ELF2: variants seen among roughly 807,000 people sequenced by gnomAD.
The protein encoded by ELF2 is ETS-related transcription factor Elf-2.
In ELF2, 11 loss-of-function variants were observed where a neutral mutation model predicts 54.8. The observed-to-expected ratio is 0.20, with a 90% CI of 0.13 to 0.33. The LOEUF is 0.33. ELF2 is among the 10% of genes least tolerant of loss of function. ELF2 has a pLI of 1.00. For synonymous variants in ELF2, 203 were observed against 245.1 expected, an observed-to-expected ratio of 0.83 and a Z score of 1.61; for missense variants, 513 against 703.0, an observed-to-expected ratio of 0.73 and a Z score of 3.06.
chr4:139,075,996 A>G (rs952196532), intron 4 of ELF2, among the ~76,000 whole-genome samples: 2 of 152,174 alleles, frequency 1.3e-5, no homozygotes, highest in Non-Finnish European at 2.9e-5. Flanking sequence ...CATAAGCACT[A>G]TACACTAACG....
intron 4 of ELF2, among the ~76,000 whole-genome samples, chr4:139,096,964 A>G (rs1449100269): frequency 2.6e-5 from 4 of 151,894 alleles, no homozygotes; most frequent in African/African-American, 9.7e-5. Flanking sequence ...TTTATTAATA[A>G]TCTAGTACTG....
At chr4:139,176,456 C>A (rs756768263) in intron 1 of ELF2, among the ~76,000 whole-genome samples, 1 of 151,784 alleles carries the variant, frequency 6.6e-6, no homozygotes, top group African/African-American at 2.4e-5. Context: ...CCGCCCCGAG[C>A]TCGCCGCCCA....
At chr4:139,142,980 T>C (rs1042231012) in intron 1 of ELF2, among the ~76,000 whole-genome samples, 1 of 152,132 alleles carries the variant, frequency 6.6e-6, no homozygotes, top group African/African-American at 2.4e-5. Context: ...AAGTCAAGAA[T>C]GAATCCAGGC....
chr4:139,059,669 T>C (rs1383424287), intron 9 of ELF2, 62 bp from the exon 10 acceptor site: 3 of 1,540,068 alleles, frequency 1.9e-6, no homozygotes, highest in Non-Finnish European at 2.6e-6. Flanking sequence ...ATAGGTCTCC[T>C]GAGTAAAAGA....
chr4:139,160,939 G>C (rs541949627), intron 1 of ELF2, among the ~76,000 whole-genome samples: 1 of 151,960 alleles, frequency 6.6e-6, no homozygotes, highest in Non-Finnish European at 1.5e-5. Flanking sequence ...GTCCAGCTTC[G>C]GCAACAGAGT....
chr4:139,130,260 C>T (rs1737361687), intron 3 of ELF2, among the ~76,000 whole-genome samples: 1 of 152,060 alleles, frequency 6.6e-6, no homozygotes, highest in Admixed American at 6.5e-5. Flanking sequence ...TCTATCAACA[C>T]CTTGATTCCT....
rs1043098941 is a variant in ELF2 at position 139,137,611 on chromosome 4, A to G, written c.72+19T>C. 6.2e-7 allele frequency: 1 copy of G among 1,606,392 alleles called. No individual in the cohort carries two copies. The highest frequency in any genetic ancestry group is 8.5e-7 in the Non-Finnish European group (1 of 1,174,168). ...ATTTCTATGAAGAAAATAGAAATGT[A>G]ATTCATTGAATGCCTAACCTCTTGA... is the stretch of plus-strand genomic sequence containing the variant. On this transcript the variant is annotated intron_variant, in intron 3 of 9. Transcript: ENST00000686138.
At chr4:139,113,892 C>CT (rs1735248457) in intron 4 of ELF2, among the ~76,000 whole-genome samples, 1 of 151,856 alleles carries the variant, frequency 6.6e-6, no homozygotes, top group Non-Finnish European at 1.5e-5. Flanking sequence ...AAAATCATTC[C>CT]TTTTCATTTC....
At chr4:139,134,725 A>G (rs1275426700) in intron 3 of ELF2, among the ~76,000 whole-genome samples, 2 of 151,126 alleles carry the variant, frequency 1.3e-5, no homozygotes, top group East Asian at 1.9e-4. Context: ...AGTCTCCCCA[A>G]TATAGAAATG....
rs1183109893 is a variant in ELF2 at position 139,072,107 on chromosome 4, T to C, written c.353-68A>G. On this transcript the variant is annotated intron_variant, in intron 5 of 9. Transcript: ENST00000686138. ...AATGTTTCTTATGTGGACAGTTCAA[T>C]ATTTAGAAGAGGCGAGGTGTGTTAA... 2.0e-6 allele frequency: 3 copies of C among 1,487,524 alleles called. No individual in the cohort carries two copies. In the African/African-American group the frequency reaches 4.3e-5, roughly 21 times the overall value. The allele number at this position is 1,487,524 out of a possible 1,614,324, so 92.1% of individuals were successfully genotyped here.
chr4:139,091,946 TAC>T (rs965586394), intron 4 of ELF2, among the ~76,000 whole-genome samples: 4 of 148,888 alleles, frequency 2.7e-5, no homozygotes, highest in African/African-American at 9.8e-5. Flanking sequence ...CACATATATA[TAC>T]ACACATATAT....
chr4:139,059,339 A>C lies in ELF2; in HGVS notation c.1426T>G (p.Ser476Ala), dbSNP rs148775725. Residue 476 changes from serine to alanine, a missense_variant, in exon 10 of 10, where the codon TCA (serine) becomes GCA (alanine). By Grantham distance (99) the Ser-to-Ala change is moderately conservative (BLOSUM62 1). This residue lies in a region of ELF2 where 291 missense variants were observed against 366.1 expected (regional missense o/e 0.79). Transcript: ENST00000686138. ...QLAQCQLQTK[S>A]NLTGSGSINI... ...ATGCTTCCTGATCCAGTCAGATTTG[A>C]CTTTGTCTGCAGTTGACACTGTGCA... 1.5e-4 allele frequency: 245 copies of C among 1,613,880 alleles called. 2 individuals are homozygous for C. In the African/African-American group the frequency reaches 3.0e-3, roughly 20 times the overall value.
At chr4:139,069,477 A>G (rs1483397716) in intron 6 of ELF2, among the ~76,000 whole-genome samples, 1 of 152,244 alleles carries the variant, frequency 6.6e-6, no homozygotes, top group Non-Finnish European at 1.5e-5. Flanking sequence ...CATCTTCAGC[A>G]TCTCCTAAAT....
At chr4:139,176,696 C>T (rs1367254137) in intron 1 of ELF2, among the ~76,000 whole-genome samples, 1 of 151,660 alleles carries the variant, frequency 6.6e-6, no homozygotes, top group Admixed American at 6.6e-5. Flanking sequence ...CCCCGCGCCC[C>T]GCGCTCCCCG....
At chr4:139,075,140 C>A (rs557660280) in intron 4 of ELF2, among the ~76,000 whole-genome samples, 4 of 152,196 alleles carry the variant, frequency 2.6e-5, no homozygotes, top group African/African-American at 9.7e-5. Flanking sequence ...TTGTATCTCT[C>A]CTCTTCTAGC....
chr4:139,148,265 AG>A (rs1205713969), intron 1 of ELF2, among the ~76,000 whole-genome samples: 4 of 147,492 alleles, frequency 2.7e-5, no homozygotes, highest in Admixed American at 1.4e-4. Context: ...CTCCTACCTC[AG>A]GGCCTCTACA....
At chr4:139,132,867 T>TAC (rs1737668191) in intron 3 of ELF2, among the ~76,000 whole-genome samples, 1 of 95,946 alleles carries the variant, frequency 1.0e-5, no homozygotes. Context: ...TATATATATA[T>TAC]ATATATAAAA....
intron 4 of ELF2, among the ~76,000 whole-genome samples, chr4:139,073,884 A>C (rs949757136): frequency 6.6e-6 from 1 of 152,092 alleles, no homozygotes; most frequent in Non-Finnish European, 1.5e-5. Flanking sequence ...TAATCCCAGC[A>C]CTCTGGGAGG....
chr4:139,132,701 C>A (rs1427741863), intron 3 of ELF2, among the ~76,000 whole-genome samples: 1 of 151,800 alleles, frequency 6.6e-6, no homozygotes, highest in African/African-American at 2.4e-5. Flanking sequence ...CGGTAATGCT[C>A]CTATGAACAT....
Sources: allele counts gnomAD v4.1 joint callset (sites outside exome capture counted in the v4.1 genomes callset), GRCh38; gene constraint gnomAD v4.1.1; regional missense constraint gnomAD v4.1.1; transcripts MANE v1.5; gene names NCBI Gene and HGNC (gene_info 2026-07-23, HGNC 2026-07-21).